The following TLN2 variants were observed in gnomAD, a reference collection of about 807,000 sequenced individuals.
TLN2 encodes talin-2.
A neutral mutation model predicts 294.7 loss-of-function variants in TLN2; 118 were observed. That is an observed-to-expected ratio of 0.40 (90% CI 0.34 to 0.47). TLN2 has a LOEUF of 0.47. Among genes scored for constraint, TLN2 ranks in the 20% least tolerant of loss-of-function variants. TLN2 has a pLI of 0.84. For synonymous variants in TLN2, 1,431 were observed against 1,304.5 expected (o/e 1.10, Z -2.09); for missense variants, 3,083 against 3,282.2 (o/e 0.94, Z 1.48).
chr15:62,655,447 C>A (rs1052787838), intron 7 of TLN2, among the ~76,000 whole-genome samples: 6 of 152,164 alleles, frequency 3.9e-5, no homozygotes, highest in African/African-American at 9.7e-5. Context: ...TCCATACTTT[C>A]ATTTTCTTCC....
chr15:62,567,813 T>G (rs1212183839), intron 1 of TLN2, among the ~76,000 whole-genome samples: 1 of 152,056 alleles, frequency 6.6e-6, no homozygotes, highest in Non-Finnish European at 1.5e-5. Context: ...TACTGGAGCC[T>G]GGGTGACAGA....
Position 62,697,770 on chromosome 15 carries a change from G to T in TLN2, c.1375G>T (p.Gly459Cys). 1 of 1,612,480 alleles carries T rather than the reference G, an allele frequency of 6.2e-7. No homozygotes were observed. The highest frequency in any genetic ancestry group is 8.5e-7 in the Non-Finnish European group (1 of 1,179,380). The change falls in exon 15 of 59, where the codon GGC becomes TGC. Residue 459 changes from glycine to cysteine, a missense_variant. By Grantham distance (159) the Gly-to-Cys change is radical. Transcript: ENST00000636159. ...GGCGCTGCCGGCCGTGATGCGCTCG[G>T]GCTCCAGCGGGCCTGAGACCTTCAA... ...SVALPAVMRSGSSGPETFNVG... is the reference protein window; with the variant it reads ...SVALPAVMRSCSSGPETFNVG...
chr15:62,573,990 T>C (rs2044161927), intron 1 of TLN2, among the ~76,000 whole-genome samples: 1 of 152,098 alleles, frequency 6.6e-6, no homozygotes. Context: ...GGGGAAAAGA[T>C]GCAGCCCTTC....
chr15:62,557,396 GAAGAGAATGACACACAAGAT>G (rs1464903057), intron 1 of TLN2, among the ~76,000 whole-genome samples: 1 of 152,194 alleles, frequency 6.6e-6, no homozygotes, highest in Non-Finnish European at 1.5e-5. Flanking sequence ...TATAAAAGAG[GAAGAGAATGACACACAAGAT>G]GTGTGATGTG....
chr15:62,407,938 A>ATAAG (rs931880621), intron 1 of TLN2, among the ~76,000 whole-genome samples: 2 of 151,420 alleles, frequency 1.3e-5, no homozygotes, highest in African/African-American at 4.8e-5. Flanking sequence ...AAATAAATAA[A>ATAAG]TAAATAAATA....
intron 1 of TLN2, among the ~76,000 whole-genome samples, chr15:62,431,926 C>T (rs528917393): frequency 2.0e-5 from 3 of 152,208 alleles, no homozygotes; most frequent in East Asian, 3.9e-4. Context: ...AGGCCTTGGG[C>T]CCCGGGCATG....
chr15:62,523,989 C>T (rs2040601108), intron 1 of TLN2, among the ~76,000 whole-genome samples: 1 of 152,220 alleles, frequency 6.6e-6, no homozygotes, highest in Non-Finnish European at 1.5e-5. Context: ...CAAATTTATC[C>T]AGGTTACTAG....
chr15:62,488,632 T>G (rs1009533525), intron 1 of TLN2, among the ~76,000 whole-genome samples: 3 of 152,238 alleles, frequency 2.0e-5, no homozygotes, highest in African/African-American at 7.2e-5. Flanking sequence ...GAGACCAGTC[T>G]TCCAATTCTG....
At chr15:62,545,405 A>G (rs768895336) in intron 1 of TLN2, among the ~76,000 whole-genome samples, 5 of 152,118 alleles carry the variant, frequency 3.3e-5, no homozygotes, top group Non-Finnish European at 7.4e-5. Context: ...GAGAAAAAGG[A>G]TGGAGGAAAA....
chr15:62,591,709 G>A (rs1373976208), intron 2 of TLN2, among the ~76,000 whole-genome samples: 2 of 152,128 alleles, frequency 1.3e-5, no homozygotes, highest in Non-Finnish European at 2.9e-5. Flanking sequence ...CCAGGGGTGA[G>A]GCGGGTAGAA....
intron 23 of TLN2, 149 bp from the exon 24 acceptor site, chr15:62,717,427 G>T: frequency 2.3e-6 from 1 of 429,334 alleles, no homozygotes. Context: ...TGTAAGATTA[G>T]GGTCATCACT....
chr15:62,762,173 C>G, intron 38 of TLN2, 99 bp from the exon 39 acceptor site: 6 of 1,337,636 alleles, frequency 4.5e-6, no homozygotes, highest in South Asian at 2.6e-5. Flanking sequence ...CTTCAAAGGG[C>G]AGAGGTGGTG....
intron 1 of TLN2, among the ~76,000 whole-genome samples, chr15:62,455,360 C>T (rs1034699525): frequency 3.9e-5 from 6 of 151,980 alleles, no homozygotes; most frequent in South Asian, 2.1e-4. Flanking sequence ...TGTCAAAAAG[C>T]CAGTGGGAGA....
intron 1 of TLN2, among the ~76,000 whole-genome samples, chr15:62,578,121 C>T (rs981242458): frequency 1.3e-5 from 2 of 152,132 alleles, no homozygotes; most frequent in South Asian, 2.1e-4. Context: ...GGTTCCAAGT[C>T]TTTGCTATTG....
chr15:62,665,926 C>G (rs1431904968), intron 9 of TLN2, among the ~76,000 whole-genome samples: 1 of 152,204 alleles, frequency 6.6e-6, no homozygotes, highest in Non-Finnish European at 1.5e-5. Flanking sequence ...TACTTCCTCC[C>G]AGTGAACTTT....
chr15:62,574,579 C>CAAAAAAAAA lies in TLN2; in HGVS notation c.-237-15076_-237-15068dup. 2.8e-3 allele frequency among the ~76,000 whole-genome samples: 130 copies of CAAAAAAAAA among 46,482 alleles called. 16 individuals are homozygous for CAAAAAAAAA. Among genetic ancestry groups the CAAAAAAAAA allele is most frequent in the Non-Finnish European group, 3.8e-3 (100 of 26,332 alleles). 30.5% of individuals were successfully genotyped at this position (46,482 alleles called of 152,430 possible). The stretch of plus-strand genomic sequence containing the variant: ...TGGGCAACAGGATGAGACCCTGTCT[C>CAAAAAAAAA]AAAAAAAAAAAAAAAAAAAAAAAAA... On this transcript the variant is annotated intron_variant, in intron 1 of 58. Coordinates refer to ENST00000636159, the MANE Select transcript of TLN2 (RefSeq NM_015059.3).
At chr15:62,398,111 A>G (rs1474320749) in intron 1 of TLN2, among the ~76,000 whole-genome samples, 1 of 152,170 alleles carries the variant, frequency 6.6e-6, no homozygotes, top group Admixed American at 6.5e-5. Flanking sequence ...TGTAGTTGCC[A>G]TAATCCCCAC....
At chr15:62,566,485 C>T (rs1346562979) in intron 1 of TLN2, among the ~76,000 whole-genome samples, 1 of 151,790 alleles carries the variant, frequency 6.6e-6, no homozygotes, top group Non-Finnish European at 1.5e-5. Context: ...TTAAATATGG[C>T]CAGAAAATAG....
intron 1 of TLN2, among the ~76,000 whole-genome samples, chr15:62,459,953 A>G (rs961632383): frequency 1.3e-5 from 2 of 152,176 alleles, no homozygotes; most frequent in African/African-American, 4.8e-5. Context: ...GGAAGAAATT[A>G]CTAGAAAGAG....
Sources: allele counts gnomAD v4.1 joint callset (sites outside exome capture counted in the v4.1 genomes callset), GRCh38; gene constraint gnomAD v4.1.1; transcripts MANE v1.5; gene names NCBI Gene and HGNC (gene_info 2026-07-23, HGNC 2026-07-21).